The following WDR86 variants were observed in gnomAD, a reference collection of about 807,000 sequenced individuals.
WDR86 encodes the protein WD repeat-containing protein 86.
Under a neutral mutation model 36.5 loss-of-function variants are expected in WDR86, and 30 were observed. The ratio of observed to expected loss-of-function variants is 0.82; its 90% CI spans 0.61 to 1.11. The LOEUF is 1.11. Ranked by LOEUF, WDR86 falls within the 50% of genes most tolerant of loss-of-function variation. The pLI is 0.00. For missense variants in WDR86, 545 were observed against 561.2 expected, an observed-to-expected ratio of 0.97 and a Z score of 0.29; for synonymous variants, 255 against 252.9, an observed-to-expected ratio of 1.01 and a Z score of -0.08.
chr7:151,379,551 C>G (rs1259919504), downstream of WDR86, among the ~76,000 whole-genome samples: 1 of 152,198 alleles, frequency 6.6e-6, no homozygotes, highest in African/African-American at 2.4e-5. Flanking sequence ...ATCAGACTCT[C>G]TCACTCACCG....
At chr7:151,394,074 G>A (rs1799632167) in intron 3 of WDR86, among the ~76,000 whole-genome samples, 1 of 152,184 alleles carries the variant, frequency 6.6e-6, no homozygotes, top group African/African-American at 2.4e-5. Flanking sequence ...AGGGAAACCT[G>A]TGCGGACAGA....
chr7:151,376,167 CTT>C (rs2150727022), downstream of WDR86: 1 of 528,108 alleles, frequency 1.9e-6, no homozygotes, highest in South Asian at 2.0e-5. Flanking sequence ...AGGAAGTTCT[CTT>C]TAGGTTTGCT....
chr7:151,381,259 G>A lies in WDR86; in HGVS notation c.*323C>T, dbSNP rs1182266586. On this transcript the variant is annotated 3_prime_UTR_variant, in exon 6 of 6. Transcript: ENST00000334493. The surrounding 1 kb of genome is among the most constrained non-coding windows in gnomAD (Gnocchi z 4.8). ...GGAAAGGCCCAGTTTCGTGGGGCTGGGGGAGCTGGGGCAGTCCGCCTGCAG... is the reference window on the plus strand; with the variant it reads ...GGAAAGGCCCAGTTTCGTGGGGCTGAGGGAGCTGGGGCAGTCCGCCTGCAG... 9.2e-6 allele frequency: 12 copies of A among 1,307,900 alleles called. No homozygotes were observed. Among genetic ancestry groups the A allele is most frequent in the Non-Finnish European group, 8.7e-6 (9 of 1,033,042 alleles). 81.0% of individuals were successfully genotyped at this position (1,307,900 alleles called of 1,614,324 possible).
downstream of WDR86, chr7:151,376,549 G>A (rs983503519): frequency 7.7e-7 from 1 of 1,303,364 alleles, no homozygotes; most frequent in African/African-American, 1.5e-5. Context: ...TTAAACATGA[G>A]AGTCGGCTGT....
In WDR86 at chr7:151,409,843, G is replaced by A. The variant is rs1046353847; in HGVS notation, c.-254C>T. The A allele has an allele frequency of 5.0e-5, 62 of 1,228,138 alleles. No homozygotes were observed. Among genetic ancestry groups the A allele is most frequent in the Non-Finnish European group, 5.9e-5 (58 of 986,274 alleles). The allele number at this position is 1,228,138 out of a possible 1,614,324, so 76.1% of individuals were successfully genotyped here. ...GACCTCCGCCCTGGGTAGAGTCCTG[G>A]GCGCGCGGGCAGAGAGAACCCCCTT... On this transcript the variant is annotated 5_prime_UTR_variant, in exon 1 of 6. Transcript: ENST00000334493. This position sits in a 1 kb window ranked among gnomAD's most constrained non-coding sequence, Gnocchi z 5.2.
exon 2 of WDR86, chr7:151,376,037 T>G: frequency 1.2e-6 from 1 of 811,198 alleles, no homozygotes; most frequent in Non-Finnish European, 2.2e-6. Flanking sequence ...ACTGGGGGAG[T>G]CCGTGCTGAA....
At chr7:151,389,827 T>C (rs933036414) in intron 3 of WDR86, among the ~76,000 whole-genome samples, 2 of 152,190 alleles carry the variant, frequency 1.3e-5, no homozygotes, top group African/African-American at 4.8e-5. Context: ...CCCGACTGCA[T>C]GCCGAGAGCA....
rs1584795915 is a variant in WDR86, at chr7:151,405,951, T to C, written c.163+3476A>G. 6.6e-6 allele frequency among the ~76,000 whole-genome samples: 1 copy of C among 152,142 alleles called. No homozygotes were observed. Among genetic ancestry groups the C allele is most frequent in the Admixed American group, 6.5e-5 (1 of 15,278 alleles). On this transcript the variant is annotated intron_variant, in intron 1 of 5. Transcript: ENST00000334493. This position sits in a 1 kb window ranked among gnomAD's most constrained non-coding sequence, Gnocchi z 4.7. ...CTCAACAGGAACAGGATAGGATAGG[T>C]ACTACCATTTTGGAAAATGTCACTC...
Position 151,409,177 on chromosome 7 carries a change from C to T in WDR86, c.163+250G>A. On this transcript the variant is annotated intron_variant, in intron 1 of 5. Coordinates refer to ENST00000334493, the MANE Select transcript of WDR86 (RefSeq NM_198285.3). The surrounding 1 kb of genome is among the most constrained non-coding windows in gnomAD (Gnocchi z 5.2). ...TGATCTTCGCCTTTGTAGCGGACGC[C>T]CCTCGACCCACCCACCCGATCCCGG... The T allele has an allele frequency of 1.6e-6, 1 of 638,262 alleles. No individual in the cohort carries two copies. The highest frequency in any genetic ancestry group is 2.9e-6 in the Non-Finnish European group (1 of 347,150). 39.5% of individuals were successfully genotyped at this position (638,262 alleles called of 1,614,324 possible).
chr7:151,379,313 G>A (rs1359358042), downstream of WDR86, among the ~76,000 whole-genome samples: 1 of 152,186 alleles, frequency 6.6e-6, no homozygotes, highest in Non-Finnish European at 1.5e-5. Context: ...GGTGAGGGCA[G>A]CCCATGCCAG....
At chr7:151,391,761 G>T (rs1345767408) in intron 3 of WDR86, among the ~76,000 whole-genome samples, 1 of 152,164 alleles carries the variant, frequency 6.6e-6, no homozygotes, top group Admixed American at 6.5e-5. Flanking sequence ...GACGATTAGG[G>T]AGATGGCGGG....
At position 151,409,473 on chromosome 7, in the gene WDR86, G is replaced by T; in HGVS notation, c.117C>A (p.Ala39=). ...RLLTGSEDGT[A]RLWSTADGQC... is the part of the protein sequence containing the mutation. Reference sequence around the variant, plus strand: ...GGCCGTCCGCGGTGCTCCAGAGCCGGGCCGTGCCGTCCTCGCTGCCCGTCA... The same window carrying T: ...GGCCGTCCGCGGTGCTCCAGAGCCGTGCCGTGCCGTCCTCGCTGCCCGTCA... The change falls in exon 1 of 6, where the codon GCC becomes GCA. Residue 39 remains alanine (A), a synonymous_variant. Transcript: ENST00000334493. This position sits in a 1 kb window ranked among gnomAD's most constrained non-coding sequence, Gnocchi z 5.2. 6.5e-7 allele frequency: 1 copy of T among 1,537,804 alleles called. No homozygotes were observed. Among genetic ancestry groups the T allele is most frequent in the Non-Finnish European group, 8.7e-7 (1 of 1,147,488 alleles).
rs1037020848 is a variant in WDR86, at chr7:151,396,020, G to A, written c.482C>T (p.Ala161Val). The change falls in exon 3 of 6, where the codon GCG (alanine) becomes GTG (valine). Residue 161 changes from alanine (A) to valine (V), a missense_variant. Ala to Val is a moderately conservative substitution (Grantham distance 64). Coordinates refer to ENST00000334493, the MANE Select transcript of WDR86 (RefSeq NM_198285.3). ...LPSTPCAEEAAAGGLLVTGST... is the reference protein window; with the variant it reads ...LPSTPCAEEAVAGGLLVTGST... The stretch of plus-strand genomic sequence containing the variant: ...GCCGGTCACCAGAAGCCCCCCGGCC[G>A]CGGCCTCCTCCGCGCAGGGAGTGCT... 9.3e-6 allele frequency: 15 copies of A among 1,605,014 alleles called. No individual in the cohort carries two copies. Among genetic ancestry groups the A allele is most frequent in the South Asian group, 3.3e-5 (3 of 90,362 alleles).
In WDR86 at chr7:151,409,610, C is replaced by G. The variant is rs936723811; in HGVS notation, c.-21G>C. 2 of 1,366,726 alleles carry G rather than the reference C, an allele frequency of 1.5e-6. No individual in the cohort carries two copies. Among genetic ancestry groups the G allele is most frequent in the Non-Finnish European group, 1.9e-6 (2 of 1,064,480 alleles). 84.7% of individuals were successfully genotyped at this position (1,366,726 alleles called of 1,614,324 possible). On this transcript the variant is annotated 5_prime_UTR_variant, in exon 1 of 6. Transcript: ENST00000334493. This position sits in a 1 kb window ranked among gnomAD's most constrained non-coding sequence, Gnocchi z 5.2. ...CCCATCCCGCTGGCAGGGCGGGGAA[C>G]AAGAAGGAGCTGCGCCCCGCTAGGG...
At position 151,381,322 on chromosome 7, in the gene WDR86, G is replaced by A. The variant is rs774360904; in HGVS notation, c.*260C>T. On this transcript the variant is annotated 3_prime_UTR_variant, in exon 6 of 6. Transcript: ENST00000334493. This position sits in a 1 kb window ranked among gnomAD's most constrained non-coding sequence, Gnocchi z 4.8. ...GAGGGTCCCCAGGACTAGGCCTTTCGCCAGGTCAGGGATGGGGAGGGAGGA... is the reference window on the plus strand; with the variant it reads ...GAGGGTCCCCAGGACTAGGCCTTTCACCAGGTCAGGGATGGGGAGGGAGGA... 1.5e-5 allele frequency: 20 copies of A among 1,351,838 alleles called. No homozygotes were observed. The African/African-American group carries it at 2.0e-4, about 13-fold the overall frequency. The allele number at this position is 1,351,838 out of a possible 1,614,324, so 83.7% of individuals were successfully genotyped here.
Position 151,400,170 on chromosome 7 carries a change from T to A in WDR86, c.235A>T (p.Ile79Phe). 6.2e-7 allele frequency: 1 copy of A among 1,612,474 alleles called. No homozygotes were observed. Among genetic ancestry groups the A allele is most frequent in the Non-Finnish European group, 8.5e-7 (1 of 1,179,266 alleles). ...AAFTCSADCT[I>F]RRWDVLTGQC... The stretch of plus-strand genomic sequence containing the variant: ...CCGGTCAGCACGTCCCACCTCCTGA[T>A]GGTGCAGTCGGCGCTGCATGTGAAG... The change falls in exon 2 of 6, where the codon ATC becomes TTC. Residue 79 changes from isoleucine (I) to phenylalanine (F), a missense_variant. By Grantham distance (21) the Ile-to-Phe change is conservative. Transcript: ENST00000334493.
At chr7:151,410,196 C>T (rs773230914), upstream of WDR86, among the ~76,000 whole-genome samples, 7 of 152,204 alleles carry the variant, frequency 4.6e-5, no homozygotes, top group Admixed American at 2.0e-4. Context: ...GCTGCCCGGG[C>T]TGCGCCTCTG....
At chr7:151,404,789 C>T (rs760105967) in intron 1 of WDR86, among the ~76,000 whole-genome samples, 5 of 152,246 alleles carry the variant, frequency 3.3e-5, no homozygotes, top group East Asian at 1.9e-4. Flanking sequence ...CCTGGGGACT[C>T]GCTGGAAGTT....
Position 151,396,277 on chromosome 7 carries a change from G to A in WDR86, c.306-81C>T, listed in dbSNP as rs561553733. 240 of 1,494,160 alleles carry A rather than the reference G, an allele frequency of 1.6e-4. 1 individual carries two copies. In the East Asian group the frequency reaches 4.9e-3, roughly 30 times the overall value. 92.6% of individuals were successfully genotyped at this position (1,494,160 alleles called of 1,614,324 possible). On this transcript the variant is annotated intron_variant, in intron 2 of 5. Transcript: ENST00000334493. ...ACAGCCTCCCGACATGCCATGCTCG[G>A]CACTGCAGCTAAAATAACCTCTCCC...
Sources: gnomAD v4.1 joint callset for allele counts (sites outside exome capture counted in the v4.1 genomes callset) on GRCh38, gnomAD v4.1.1 for gene constraint, Gnocchi (gnomAD v3.1) non-coding constraint, MANE v1.5 for transcripts, NCBI Gene and HGNC (gene_info 2026-07-23, HGNC 2026-07-21) for gene names.